The following DOCK9 variants were observed in gnomAD, a reference collection of about 807,000 sequenced individuals.
The protein encoded by DOCK9 is dedicator of cytokinesis protein 9.
DOCK9 carries 89 observed loss-of-function variants against 263.3 expected under a neutral mutation model. The ratio of observed to expected loss-of-function variants is 0.34; its 90% CI spans 0.28 to 0.40. DOCK9 has a LOEUF of 0.40. Among genes scored for constraint, DOCK9 ranks in the 10% least tolerant of loss-of-function variants. The pLI is 1.00. For missense variants in DOCK9, 2,140 were observed against 2,603.4 expected (o/e 0.82, Z 3.87); for synonymous variants, 976 against 973.1 (o/e 1.00, Z -0.06).
chr13:98,979,208 T>C (rs1246058567), upstream of DOCK9, among the ~76,000 whole-genome samples: 1 of 127,660 alleles, frequency 7.8e-6, no homozygotes, highest in Admixed American at 7.9e-5. Flanking sequence ...GTAGTAGTAG[T>C]AGTAGTAGTA....
intron 25 of DOCK9, 73 bp from the exon 26 acceptor site, chr13:98,880,745 A>T: frequency 6.4e-7 from 1 of 1,556,950 alleles, no homozygotes; most frequent in South Asian, 1.2e-5. Context: ...GAGACTCCCA[A>T]GAATGGAGAT....
intron 2 of DOCK9, among the ~76,000 whole-genome samples, chr13:98,952,921 G>T (rs1386181532): frequency 1.3e-5 from 2 of 152,112 alleles, no homozygotes; most frequent in East Asian, 3.8e-4. Context: ...AACCAACTTG[G>T]TATTACTTTT....
At chr13:98,955,340 AATT>A (rs2057926460) in intron 2 of DOCK9, 92 bp downstream of exon 2, 1 of 807,340 alleles carries the variant, frequency 1.2e-6, no homozygotes, top group African/African-American at 1.7e-5. Context: ...TAATAATAAT[AATT>A]AACTAACCAA....
chr13:98,810,318 A>G, intron 45 of DOCK9, 27 bp from the exon 46 acceptor site: 1 of 1,611,706 alleles, frequency 6.2e-7, no homozygotes, highest in African/African-American at 1.3e-5. Flanking sequence ...GCCAACAGCA[A>G]GAGAAGAGCG....
At chr13:99,052,237 C>T (rs1335066754) in intron 1 of DOCK9, among the ~76,000 whole-genome samples, 1 of 152,134 alleles carries the variant, frequency 6.6e-6, no homozygotes, top group Admixed American at 6.5e-5. Context: ...TAGGAGTGTG[C>T]CCTGTCTAAT....
intron 2 of DOCK9, among the ~76,000 whole-genome samples, chr13:98,950,677 T>C (rs1416753114): frequency 6.6e-6 from 1 of 152,230 alleles, no homozygotes; most frequent in African/African-American, 2.4e-5. Context: ...GTCTAATTTT[T>C]ATGAAATATG....
chr13:99,035,973 T>A (rs1253291715), intron 1 of DOCK9, among the ~76,000 whole-genome samples: 1 of 152,084 alleles, frequency 6.6e-6, no homozygotes, highest in Non-Finnish European at 1.5e-5. Context: ...CAGACTCACT[T>A]TGAACTCCAA....
intron 18 of DOCK9, among the ~76,000 whole-genome samples, chr13:98,887,141 ATATTTTTTTTT>A (rs762570744): frequency 0.049 from 2,924 of 59,514 alleles, 56 homozygotes; most frequent in South Asian, 0.11. Flanking sequence ...ATATATATAT[ATATTTTTTTTT>A]TTTTTTTTTT....
At chr13:99,006,625 C>T (rs1323722901) in intron 1 of DOCK9, among the ~76,000 whole-genome samples, 1 of 152,124 alleles carries the variant, frequency 6.6e-6, no homozygotes, top group East Asian at 1.9e-4. Context: ...TTAATATTTG[C>T]AGAAGCAGAG....
intron 52 of DOCK9, among the ~76,000 whole-genome samples, chr13:98,795,352 A>G (rs1260043883): frequency 6.6e-6 from 1 of 152,160 alleles, no homozygotes; most frequent in African/African-American, 2.4e-5. Context: ...GTATCTTTCC[A>G]TGCCCAGTGG....
chr13:99,049,602 C>T (rs1014807737), intron 1 of DOCK9, among the ~76,000 whole-genome samples: 1 of 152,120 alleles, frequency 6.6e-6, no homozygotes, highest in Non-Finnish European at 1.5e-5. Flanking sequence ...GCTGCAGCCT[C>T]AACCTCTAGG....
chr13:98,846,331 A>G (rs1471653634), intron 37 of DOCK9, among the ~76,000 whole-genome samples: 1 of 152,208 alleles, frequency 6.6e-6, no homozygotes, highest in Admixed American at 6.5e-5. Flanking sequence ...AAAAGTGAGC[A>G]TCACTCCAAT....
chr13:98,898,654 T>C (rs2047796008), intron 13 of DOCK9, among the ~76,000 whole-genome samples: 2 of 152,230 alleles, frequency 1.3e-5, no homozygotes, highest in South Asian at 4.1e-4. Context: ...AGGATTGAAA[T>C]GAGAACACTA....
intron 1 of DOCK9, among the ~76,000 whole-genome samples, chr13:98,973,168 G>A (rs1016004026): frequency 6.6e-6 from 1 of 152,122 alleles, no homozygotes; most frequent in Admixed American, 6.5e-5. Flanking sequence ...TTCTAAAGTT[G>A]TCTCTAAGGG....
chr13:98,917,523 T>C (rs2051080567), intron 7 of DOCK9, among the ~76,000 whole-genome samples: 1 of 152,216 alleles, frequency 6.6e-6, no homozygotes, highest in Non-Finnish European at 1.5e-5. Context: ...AAGGCTGAAT[T>C]GCCAGCTAAG....
intron 1 of DOCK9, among the ~76,000 whole-genome samples, chr13:98,997,074 A>G (rs1881220402): frequency 6.6e-6 from 1 of 152,228 alleles, no homozygotes; most frequent in South Asian, 2.1e-4. Flanking sequence ...GGGTTTCTAC[A>G]AGAGGACAGT....
At chr13:99,036,023 C>T (rs1887834454) in intron 1 of DOCK9, among the ~76,000 whole-genome samples, 1 of 152,152 alleles carries the variant, frequency 6.6e-6, no homozygotes, top group African/African-American at 2.4e-5. Context: ...AGCTTGTCAG[C>T]CTTCCAAGCC....
At chr13:98,818,107 T>C (rs977374230) in intron 45 of DOCK9, among the ~76,000 whole-genome samples, 5 of 152,366 alleles carry the variant, frequency 3.3e-5, no homozygotes, top group African/African-American at 1.2e-4. Flanking sequence ...AAAATAGCTT[T>C]TATATTACAA....
intron 1 of DOCK9, among the ~76,000 whole-genome samples, chr13:99,052,990 C>T (rs1455420284): frequency 6.6e-6 from 1 of 152,060 alleles, no homozygotes; most frequent in African/African-American, 2.4e-5. Context: ...TTTTTCAGGC[C>T]TCAGTAGGGA....
Sources: allele counts gnomAD v4.1 joint callset (sites outside exome capture counted in the v4.1 genomes callset), GRCh38; gene constraint gnomAD v4.1.1; transcripts MANE v1.5; gene names NCBI Gene and HGNC (gene_info 2026-07-23, HGNC 2026-07-21).